LDLRAD3: variants seen among roughly 807,000 people sequenced by gnomAD.
The protein encoded by LDLRAD3 is low density lipoprotein receptor class A domain containing 3, also known as low-density lipoprotein receptor class A domain-containing protein 3.
In LDLRAD3, 20 loss-of-function variants were observed where a neutral mutation model predicts 29.4. The ratio of observed to expected loss-of-function variants is 0.68; its 90% CI spans 0.48 to 0.99. LDLRAD3 has a LOEUF of 0.99. LDLRAD3 is among the 50% of genes least tolerant of loss of function. LDLRAD3 has a pLI of 0.00. For synonymous variants in LDLRAD3, 157 were observed against 192.7 expected, an observed-to-expected ratio of 0.81 and a Z score of 1.53; for missense variants, 420 against 454.3, an observed-to-expected ratio of 0.92 and a Z score of 0.69.
chr11:36,054,131 C>A (rs1260437592), intron 2 of LDLRAD3, among the ~76,000 whole-genome samples: 2 of 152,124 alleles, frequency 1.3e-5, no homozygotes, highest in Admixed American at 1.3e-4. Context: ...TGCCAGGTTT[C>A]CCCCCCATTT....
intron 4 of LDLRAD3, among the ~76,000 whole-genome samples, chr11:36,218,437 G>A (rs554855262): frequency 1.3e-5 from 2 of 152,326 alleles, no homozygotes; most frequent in Admixed American, 6.5e-5. Context: ...CCTGGGTAAT[G>A]TTCAGACTTG....
chr11:36,135,621 G>A (rs914843247), intron 4 of LDLRAD3, among the ~76,000 whole-genome samples: 12 of 152,310 alleles, frequency 7.9e-5, no homozygotes, highest in Admixed American at 3.9e-4. Flanking sequence ...TTAGAAATCC[G>A]TAAGTGGGGT....
intron 1 of LDLRAD3, among the ~76,000 whole-genome samples, chr11:35,973,506 G>A (rs1036058883): frequency 4.6e-5 from 7 of 152,186 alleles, no homozygotes; most frequent in African/African-American, 1.7e-4. Context: ...CTCCCAGGCG[G>A]GAGTGCAGTG....
chr11:36,136,539 G>C (rs11828901), intron 4 of LDLRAD3, among the ~76,000 whole-genome samples: 1 of 152,042 alleles, frequency 6.6e-6, no homozygotes, highest in Non-Finnish European at 1.5e-5. Context: ...CCTCCCGCCA[G>C]ACTCTGTCTT....
chr11:36,181,658 T>A (rs1854765559), intron 4 of LDLRAD3, among the ~76,000 whole-genome samples: 1 of 152,148 alleles, frequency 6.6e-6, no homozygotes, highest in Non-Finnish European at 1.5e-5. Context: ...CTAAATTAAA[T>A]TAAAATCGAC....
At chr11:36,111,029 G>T (rs1220690766) in intron 4 of LDLRAD3, among the ~76,000 whole-genome samples, 2 of 152,218 alleles carry the variant, frequency 1.3e-5, no homozygotes, top group Non-Finnish European at 2.9e-5. Context: ...GCATGTGTAT[G>T]TGTGGGGAGT....
Position 35,965,108 on chromosome 11 carries a change from T to G in LDLRAD3, c.46+20964T>G, listed in dbSNP as rs541326696. Among the ~76,000 whole-genome samples the G allele has an allele frequency of 9.7e-4, 148 of 151,842 alleles. 1 individual carries two copies. The highest frequency in any genetic ancestry group is 3.4e-3 in the African/African-American group (141 of 41,388). ...GCTTGGATATTATGGACCAGTAAAG[T>G]AATGAAAAAAAAGAAAAAAACAAAA... On this transcript the variant is annotated intron_variant, in intron 1 of 5. Coordinates refer to ENST00000315571, the MANE Select transcript of LDLRAD3 (RefSeq NM_174902.4).
At chr11:36,120,697 C>A (rs1159029807) in intron 4 of LDLRAD3, among the ~76,000 whole-genome samples, 3 of 152,144 alleles carry the variant, frequency 2.0e-5, no homozygotes, top group Non-Finnish European at 4.4e-5. Context: ...CCAGTCTACA[C>A]CTCCAGAAGT....
In LDLRAD3 at chr11:35,948,788, C is replaced by T. The variant is rs377283962; in HGVS notation, c.46+4644C>T. Among the ~76,000 whole-genome samples, 50 of 152,160 alleles carry T rather than the reference C, an allele frequency of 3.3e-4. No individual in the cohort carries two copies. The East Asian group carries it at 6.2e-3, about 19-fold the overall frequency. On this transcript the variant is annotated intron_variant, in intron 1 of 5. Coordinates refer to ENST00000315571, the MANE Select transcript of LDLRAD3 (RefSeq NM_174902.4). ...CAGGGTTTCTCAGCTTTGGTACCAA[C>T]GACACCTTGGCCTGGATAGTTCTTT...
At chr11:35,991,995 C>T (rs1488389497) in intron 1 of LDLRAD3, among the ~76,000 whole-genome samples, 1 of 151,728 alleles carries the variant, frequency 6.6e-6, no homozygotes, top group Non-Finnish European at 1.5e-5. Flanking sequence ...CAGGAATTTA[C>T]ATCTTGGAAT....
chr11:36,094,504 T>C (rs77772306), intron 3 of LDLRAD3, among the ~76,000 whole-genome samples: 96 of 152,308 alleles, frequency 6.3e-4, no homozygotes, highest in African/African-American at 2.1e-3. Context: ...ACACATGGTA[T>C]CCATTCTTTA....
At chr11:36,098,758 G>A (rs1253904242) in intron 4 of LDLRAD3, among the ~76,000 whole-genome samples, 1 of 152,148 alleles carries the variant, frequency 6.6e-6, no homozygotes. Context: ...ACTCTCCTGT[G>A]GTTTTCTGAG....
chr11:36,085,442 A>G (rs1031973931), intron 3 of LDLRAD3, among the ~76,000 whole-genome samples: 23 of 149,646 alleles, frequency 1.5e-4, no homozygotes, highest in African/African-American at 5.7e-4. Context: ...TCTCTGAGCT[A>G]TTTGAATCTG....
chr11:36,037,813 TG>T (rs980950164), intron 2 of LDLRAD3, among the ~76,000 whole-genome samples: 9 of 152,106 alleles, frequency 5.9e-5, no homozygotes, highest in African/African-American at 2.2e-4. Flanking sequence ...ATGGGAAAAT[TG>T]GGGGTGTGTT....
At chr11:36,172,501 C>T (rs1025674966) in intron 4 of LDLRAD3, among the ~76,000 whole-genome samples, 5 of 151,838 alleles carry the variant, frequency 3.3e-5, no homozygotes, top group Non-Finnish European at 7.4e-5. Flanking sequence ...TATGTCCCTT[C>T]TATGCCGATT....
chr11:36,118,512 T>TGA (rs61505915), intron 4 of LDLRAD3, among the ~76,000 whole-genome samples: 82,873 of 148,434 alleles, frequency 0.56, 25,244 homozygotes, highest in Admixed American at 0.66. Flanking sequence ...TGTGTGTGTG[T>TGA]GAGAGAGAGA....
At chr11:36,181,055 C>G (rs1348611791) in intron 4 of LDLRAD3, among the ~76,000 whole-genome samples, 1 of 152,148 alleles carries the variant, frequency 6.6e-6, no homozygotes, top group South Asian at 2.1e-4. Flanking sequence ...GGTAGCTGAT[C>G]TCGGGCAGAG....
intron 1 of LDLRAD3, among the ~76,000 whole-genome samples, chr11:35,978,743 A>G (rs1043450466): frequency 6.6e-6 from 1 of 152,240 alleles, no homozygotes; most frequent in African/African-American, 2.4e-5. Context: ...CAGGATAGTC[A>G]GCTCAATGAA....
At position 36,230,487 on chromosome 11, in the gene LDLRAD3, A is replaced by C. The variant is rs1034541694; in HGVS notation, c.*1090A>C. On this transcript the variant is annotated 3_prime_UTR_variant, in exon 6 of 6. Transcript: ENST00000315571. ...CCAGCAAGCTCTCCTGGCTCCCTGC[A>C]CTGTGCACGCTCCTCTTCCCAAGGT... The C allele has an allele frequency of 3.9e-5, 6 of 152,822 alleles. No individual in the cohort carries two copies. Among genetic ancestry groups the C allele is most frequent in the African/African-American group, 1.4e-4 (6 of 41,456 alleles). The allele number at this position is 152,822 out of a possible 1,614,324, so 9.5% of individuals were successfully genotyped here.
Sources: gnomAD v4.1 joint callset for allele counts (sites outside exome capture counted in the v4.1 genomes callset) on GRCh38, gnomAD v4.1.1 for gene constraint, MANE v1.5 for transcripts, NCBI Gene and HGNC (gene_info 2026-07-23, HGNC 2026-07-21) for gene names.